ADGRL2: variants seen among roughly 807,000 people sequenced by gnomAD.
The protein encoded by ADGRL2 is adhesion G protein-coupled receptor L2, also known as calcium-independent alpha-latrotoxin receptor 2.
A neutral mutation model predicts 157.4 loss-of-function variants in ADGRL2; 44 were observed. That is an observed-to-expected ratio of 0.28 (90% CI 0.22 to 0.36). The LOEUF (loss-of-function observed/expected upper bound fraction) is 0.36. ADGRL2 is among the 10% of genes least tolerant of loss of function. The pLI is 1.00. For missense variants in ADGRL2, 1,510 were observed against 1,768.9 expected (o/e 0.85, Z 2.63); for synonymous variants, 585 against 624.7 (o/e 0.94, Z 0.95).
intron 3 of ADGRL2, among the ~76,000 whole-genome samples, chr1:81,607,985 G>T (rs113566738): frequency 6.6e-6 from 1 of 152,066 alleles, no homozygotes; most frequent in Non-Finnish European, 1.5e-5. Context: ...TTACTAAAGC[G>T]AAACACCTTC....
In ADGRL2 at chr1:81,901,664, T is replaced by C. The variant is rs1362061540; in HGVS notation, c.74-5353T>C. Among the ~76,000 whole-genome samples, 12 of 152,150 alleles carry C rather than the reference T, an allele frequency of 7.9e-5. No individual in the cohort carries two copies. In the East Asian group the frequency reaches 2.3e-3, roughly 29 times the overall value. ...ACAAATAAAGGAATAAATAAATGTT[T>C]TCAGGAATGGGTTTTTATGTCTTTT... On this transcript the variant is annotated intron_variant, in intron 2 of 23. Coordinates refer to ENST00000686636, the MANE Select transcript of ADGRL2 (RefSeq NM_001366006.2).
intron 2 of ADGRL2, among the ~76,000 whole-genome samples, chr1:81,480,276 A>G (rs1461116938): frequency 1.3e-5 from 2 of 152,036 alleles, no homozygotes; most frequent in Non-Finnish European, 2.9e-5. Context: ...AATCATACTG[A>G]ACTCATATGA....
chr1:81,387,117 G>A (rs903889584), intron 1 of ADGRL2, among the ~76,000 whole-genome samples: 1 of 152,130 alleles, frequency 6.6e-6, no homozygotes, highest in African/African-American at 2.4e-5. Flanking sequence ...TTGAGATCCT[G>A]CAGAAGTTAC....
upstream of ADGRL2, among the ~76,000 whole-genome samples, chr1:81,696,389 T>G (rs187579198): frequency 6.6e-6 from 1 of 152,200 alleles, no homozygotes; most frequent in Admixed American, 6.5e-5. Flanking sequence ...AAGAAAGAAC[T>G]TCGGATGTGC....
intron 1 of ADGRL2, among the ~76,000 whole-genome samples, chr1:81,306,852 C>G (rs1384769765): frequency 6.7e-6 from 1 of 148,674 alleles, no homozygotes; most frequent in Non-Finnish European, 1.5e-5. Context: ...CAATAATAGC[C>G]AAGTGTAAAA....
chr1:81,699,204 G>A (rs1031261214), upstream of ADGRL2, among the ~76,000 whole-genome samples: 3 of 152,078 alleles, frequency 2.0e-5, no homozygotes, highest in South Asian at 2.1e-4. Context: ...AGTCATTCTC[G>A]ATGTTTAAAT....
chr1:81,750,286 C>A (rs2085447166), intron 1 of ADGRL2, among the ~76,000 whole-genome samples: 1 of 152,150 alleles, frequency 6.6e-6, no homozygotes, highest in Admixed American at 6.5e-5. Context: ...CTGAGCAGAG[C>A]ATCTGAATGG....
chr1:81,385,257 G>A (rs114273929), intron 1 of ADGRL2, among the ~76,000 whole-genome samples: 2,191 of 152,168 alleles, frequency 0.014, 23 homozygotes, highest in Middle Eastern at 0.031. Context: ...TTCGGGGCTT[G>A]GTGAGTACTG....
At chr1:81,462,780 G>C (rs1175925769) in intron 2 of ADGRL2, among the ~76,000 whole-genome samples, 1 of 151,976 alleles carries the variant, frequency 6.6e-6, no homozygotes, top group Non-Finnish European at 1.5e-5. Flanking sequence ...TATTTATTTT[G>C]TAGAAAATCA....
chr1:81,751,980 A>C (rs969936904), intron 1 of ADGRL2, among the ~76,000 whole-genome samples: 2 of 152,210 alleles, frequency 1.3e-5, no homozygotes, highest in Admixed American at 1.3e-4. Flanking sequence ...AGTCTTTTAC[A>C]TGTTATAAAG....
intron 1 of ADGRL2, among the ~76,000 whole-genome samples, chr1:81,823,269 C>G (rs924504316): frequency 4.6e-5 from 7 of 151,772 alleles, no homozygotes; most frequent in Middle Eastern, 3.4e-3. Context: ...TTCCGTAATT[C>G]AGTTCATTTA....
chr1:81,312,832 G>C (rs1659849264), intron 1 of ADGRL2, among the ~76,000 whole-genome samples: 1 of 152,030 alleles, frequency 6.6e-6, no homozygotes, highest in East Asian at 1.9e-4. Flanking sequence ...TTCTTCACTG[G>C]AAAACAAAAA....
At chr1:81,718,409 G>A (rs2084187697) in intron 1 of ADGRL2, among the ~76,000 whole-genome samples, 1 of 151,878 alleles carries the variant, frequency 6.6e-6, no homozygotes, top group East Asian at 1.9e-4. Flanking sequence ...TGTAGTTCAT[G>A]TTCACACATT....
At chr1:81,413,117 C>T (rs1244217232) in intron 1 of ADGRL2, among the ~76,000 whole-genome samples, 1 of 152,090 alleles carries the variant, frequency 6.6e-6, no homozygotes, top group East Asian at 1.9e-4. Flanking sequence ...ACCAGGAATG[C>T]ACTGCATTCC....
chr1:81,951,930 A>G lies in ADGRL2; in HGVS notation c.1609-27A>G, dbSNP rs926326357. 36 of 1,540,690 alleles carry G rather than the reference A, an allele frequency of 2.3e-5. No homozygotes were observed. In the Admixed American group the frequency reaches 6.5e-4, roughly 28 times the overall value. ...GCTGTAAACAGAAAAAAAAATTTAA[A>G]TGAGATAATACAAATTGTTTTTTCA... On this transcript the variant is annotated intron_variant, in intron 8 of 23. Transcript: ENST00000686636.
intron 1 of ADGRL2, among the ~76,000 whole-genome samples, chr1:81,818,424 T>A (rs571805099): frequency 6.6e-6 from 1 of 152,304 alleles, no homozygotes; most frequent in East Asian, 1.9e-4. Flanking sequence ...TGGCAGCACA[T>A]GTGGTTTTAA....
chr1:81,340,090 A>G (rs550344167), intron 1 of ADGRL2, among the ~76,000 whole-genome samples: 2 of 152,330 alleles, frequency 1.3e-5, no homozygotes, highest in Admixed American at 1.3e-4. Flanking sequence ...AAATGAATGA[A>G]TGAGAAATCT....
chr1:81,490,120 T>C (rs563119221), intron 2 of ADGRL2, among the ~76,000 whole-genome samples: 6 of 150,444 alleles, frequency 4.0e-5, no homozygotes, highest in Admixed American at 3.4e-4. Flanking sequence ...TTTGAGCGAC[T>C]TAACATATTC....
At chr1:81,507,644 C>T (rs958970472) in intron 2 of ADGRL2, among the ~76,000 whole-genome samples, 9 of 152,166 alleles carry the variant, frequency 5.9e-5, no homozygotes, top group Middle Eastern at 3.2e-3. Flanking sequence ...ATTCATCAAG[C>T]TGCTGAGCCG....
Sources: gnomAD v4.1 joint callset for allele counts (sites outside exome capture counted in the v4.1 genomes callset) on GRCh38, gnomAD v4.1.1 for gene constraint, MANE v1.5 for transcripts, NCBI Gene and HGNC (gene_info 2026-07-23, HGNC 2026-07-21) for gene names.